SCARB1: variants seen among roughly 807,000 people sequenced by gnomAD.
SCARB1 encodes CD36 and LIMPII analogous 1.
Under a neutral mutation model 57.2 loss-of-function variants are expected in SCARB1, and 30 were observed. The observed-to-expected ratio is 0.52, with a 90% CI of 0.39 to 0.71. The LOEUF is 0.71. Among genes scored for constraint, SCARB1 ranks in the 30% least tolerant of loss-of-function variants. The probability of loss-of-function intolerance (pLI) is 0.00; values close to 1 mark genes in which losing one functional copy is unlikely to be tolerated. For synonymous variants in SCARB1, 249 were observed against 268.3 expected (o/e 0.93, Z 0.70); for missense variants, 543 against 671.2 (o/e 0.81, Z 2.11).
rs768373805 is a variant in SCARB1, at chr12:124,807,914, T to G, written c.856A>C (p.Met286Leu). 6.2e-7 allele frequency: 1 copy of G among 1,614,088 alleles called. No individual in the cohort carries two copies. Among genetic ancestry groups the G allele is most frequent in the Non-Finnish European group, 8.5e-7 (1 of 1,179,992 alleles). Reference protein sequence around the residue: ...SPEACRSMKLMYKESGVFEGI... With the variant: ...SPEACRSMKLLYKESGVFEGI... ...TCAAACACCCCTGACTCCTTGTACATTAGCTTCATGGATCTGCAGGGGACA... is the reference window on the plus strand; with the variant it reads ...TCAAACACCCCTGACTCCTTGTACAGTAGCTTCATGGATCTGCAGGGGACA... Residue 286 changes from methionine to leucine, a missense_variant, in exon 7 of 13, where the codon ATG (methionine) becomes CTG (leucine). Physicochemically the swap from Met to Leu is conservative, Grantham distance 15 (BLOSUM62 2). Coordinates refer to ENST00000261693, the MANE Select transcript of SCARB1 (RefSeq NM_005505.5). This position sits in a 1 kb window ranked among gnomAD's most constrained non-coding sequence, Gnocchi z 5.3.
At position 124,830,413 on chromosome 12, in the gene SCARB1, G is replaced by T. The variant is rs962904560; in HGVS notation, c.127-12706C>A. Among the ~76,000 whole-genome samples, 3 of 152,144 alleles carry T rather than the reference G, an allele frequency of 2.0e-5. 1 individual carries two copies. In the South Asian group the frequency reaches 6.2e-4, roughly 32 times the overall value. On this transcript the variant is annotated intron_variant, in intron 1 of 12. Transcript: ENST00000261693. ...GCTCATAGCAGCCGTACCCATAACA[G>T]CCCAAAACTGGAAACAACACAAATG...
At chr12:124,850,055 C>A (rs112113335) in intron 1 of SCARB1, among the ~76,000 whole-genome samples, 1,937 of 123,484 alleles carry the variant, frequency 0.016, 456 homozygotes, top group East Asian at 0.11. Context: ...CAGAGTGAGA[C>A]CCTGTCTCAA....
chr12:124,848,362 G>A (rs1006557000), intron 1 of SCARB1, among the ~76,000 whole-genome samples: 1 of 152,234 alleles, frequency 6.6e-6, no homozygotes, highest in Admixed American at 6.5e-5. Context: ...GATTACAAGC[G>A]TGAGCCACCA....
At chr12:124,825,563 C>T (rs147272085) in intron 1 of SCARB1, among the ~76,000 whole-genome samples, 6,222 of 151,986 alleles carry the variant, frequency 0.041, 464 homozygotes, top group African/African-American at 0.14. Context: ...CCCAGCTACT[C>T]GGGAGGCTGA....
In SCARB1 at chr12:124,849,569, G is replaced by C. The variant is rs372056794; in HGVS notation, c.126+14026C>G. Among the ~76,000 whole-genome samples the C allele has an allele frequency of 5.4e-4, 83 of 152,298 alleles. 1 individual carries two copies. The South Asian group carries it at 0.016, about 29-fold the overall frequency. On this transcript the variant is annotated intron_variant, in intron 1 of 12. Coordinates refer to ENST00000261693, the MANE Select transcript of SCARB1 (RefSeq NM_005505.5). Reference sequence around the variant, plus strand: ...CAGGCCCCTTCCACCCTTGCTGCCCGGGCCCTCCTGGCCTCCATCCAGCTA... The same window carrying C: ...CAGGCCCCTTCCACCCTTGCTGCCCCGGCCCTCCTGGCCTCCATCCAGCTA...
chr12:124,820,380 C>T (rs962198000), intron 1 of SCARB1, among the ~76,000 whole-genome samples: 3 of 152,220 alleles, frequency 2.0e-5, no homozygotes, highest in South Asian at 4.1e-4. Flanking sequence ...CTGAGGAGTC[C>T]GGGAGGTCTT....
rs1950609783 is a variant in SCARB1 at position 124,814,098 on chromosome 12, T to G, written c.630+104A>C. The stretch of plus-strand genomic sequence containing the variant: ...TCACTTACAACCCACAGCCACTAGA[T>G]CCCCAGCCAGCTACAAAGCAAGCTG... On this transcript the variant is annotated intron_variant, in intron 4 of 12. Coordinates refer to ENST00000261693, the MANE Select transcript of SCARB1 (RefSeq NM_005505.5). This position sits in a 1 kb window ranked among gnomAD's most constrained non-coding sequence, Gnocchi z 4.7. 1 of 1,082,844 alleles carries G rather than the reference T, an allele frequency of 9.2e-7. No individual in the cohort carries two copies. The highest frequency in any genetic ancestry group is 1.4e-6 in the Non-Finnish European group (1 of 698,024). 67.1% of individuals were successfully genotyped at this position (1,082,844 alleles called of 1,614,324 possible).
intron 8 of SCARB1, among the ~76,000 whole-genome samples, chr12:124,798,571 A>G (rs1280821499): frequency 6.6e-6 from 1 of 151,566 alleles, no homozygotes; most frequent in Non-Finnish European, 1.5e-5. Context: ...GGCCAGGCGT[A>G]GTGGCTCACG....
chr12:124,815,459 C>T (rs777915098), intron 2 of SCARB1, among the ~76,000 whole-genome samples: 4 of 152,196 alleles, frequency 2.6e-5, no homozygotes, highest in Admixed American at 6.5e-5. Context: ...ACACAGCCGC[C>T]GGGTGCAGAG....
At chr12:124,827,686 T>C (rs1951216583) in intron 1 of SCARB1, among the ~76,000 whole-genome samples, 2 of 152,128 alleles carry the variant, frequency 1.3e-5, no homozygotes, top group African/African-American at 4.8e-5. Flanking sequence ...CCCCAGGGCC[T>C]TTGCACCCAC....
intron 1 of SCARB1, among the ~76,000 whole-genome samples, chr12:124,841,952 G>C (rs1229066879): frequency 6.6e-6 from 1 of 152,178 alleles, no homozygotes; most frequent in Non-Finnish European, 1.5e-5. Context: ...TCCAACACTT[G>C]GCACGAGACC....
Position 124,807,745 on chromosome 12 carries a change from A to G in SCARB1, c.1009+16T>C. ...TCACACCCTCCCGCCATCCCAGCAC[A>G]GGGGACGGCACGTACTGAACCTGCA... is the stretch of plus-strand genomic sequence containing the variant. On this transcript the variant is annotated intron_variant, in intron 7 of 12. Transcript: ENST00000261693. The surrounding 1 kb of genome is among the most constrained non-coding windows in gnomAD (Gnocchi z 5.3). The G allele has an allele frequency of 6.2e-7, 1 of 1,613,600 alleles. No homozygotes were observed.
At chr12:124,860,994 A>G (rs1439297720) in intron 1 of SCARB1, among the ~76,000 whole-genome samples, 1 of 152,318 alleles carries the variant, frequency 6.6e-6, no homozygotes, top group East Asian at 1.9e-4. Flanking sequence ...GTACACAGAA[A>G]AGGGTCTAGA....
rs139203518 is a variant in SCARB1 at position 124,844,232 on chromosome 12, C to T, written c.126+19363G>A. On this transcript the variant is annotated intron_variant, in intron 1 of 12. Coordinates refer to ENST00000261693, the MANE Select transcript of SCARB1 (RefSeq NM_005505.5). Reference sequence around the variant, plus strand: ...TAAGCCTGATACACACATAGGAACACGGATAGATTTTAAACAGGGCAGCAC... The same window carrying T: ...TAAGCCTGATACACACATAGGAACATGGATAGATTTTAAACAGGGCAGCAC... Among the ~76,000 whole-genome samples the T allele has an allele frequency of 5.5e-4, 84 of 152,180 alleles. 2 individuals carry two copies. In the East Asian group the frequency reaches 0.011, roughly 20 times the overall value.
chr12:124,792,033 A>G (rs755068995), intron 9 of SCARB1, among the ~76,000 whole-genome samples: 97 of 152,024 alleles, frequency 6.4e-4, no homozygotes, highest in Non-Finnish European at 1.2e-3. Context: ...GGTATTGCAC[A>G]GTGAAATGGG....
At chr12:124,787,531 A>G in intron 9 of SCARB1, 74 bp from the exon 10 acceptor site, 11 of 1,299,280 alleles carry the variant, frequency 8.5e-6, no homozygotes, top group South Asian at 1.2e-5. Context: ...GCTTGAATAC[A>G]ACATCTAAAC....
At chr12:124,797,873 G>A (rs1594222244) in intron 8 of SCARB1, among the ~76,000 whole-genome samples, 1 of 152,246 alleles carries the variant, frequency 6.6e-6, no homozygotes, top group African/African-American at 2.4e-5. Flanking sequence ...AGGGCCTAAG[G>A]TGCACAGCAT....
rs762543749 is a variant in SCARB1, at chr12:124,863,632, A to C, written c.89T>G (p.Val30Gly). 8 of 1,599,882 alleles carry C rather than the reference A, an allele frequency of 5.0e-6. No individual in the cohort carries two copies. The highest frequency in any genetic ancestry group is 6.8e-6 in the Non-Finnish European group (8 of 1,173,716). Residue 30 changes from valine (V) to glycine (G), a missense_variant, in exon 1 of 13, where the codon GTG becomes GGG. Physicochemically the swap from Val to Gly is moderately radical, Grantham distance 109 (BLOSUM62 -3). Transcript: ENST00000261693. ...CTGCTTGATGAGCGACGGCACCATC[A>C]CGATCATGACAGCGCCCAGCACAGC... ...LCAVLGAVMI[V>G]MVPSLIKQQV...
chr12:124,831,892 T>A (rs1951411858), intron 1 of SCARB1, among the ~76,000 whole-genome samples: 1 of 152,156 alleles, frequency 6.6e-6, no homozygotes, highest in African/African-American at 2.4e-5. Context: ...CAGAGGGGCG[T>A]CCTGCAAAAT....
Sources: allele counts gnomAD v4.1 joint callset (sites outside exome capture counted in the v4.1 genomes callset), GRCh38; gene constraint gnomAD v4.1.1; non-coding constraint Gnocchi (gnomAD v3.1); transcripts MANE v1.5; gene names NCBI Gene and HGNC (gene_info 2026-07-23, HGNC 2026-07-21).